The following CFAP95 variants were observed in gnomAD, a reference collection of about 807,000 sequenced individuals.
The protein encoded by CFAP95 is cilia- and flagella-associated protein 95.
the CFAP95 span, among the ~76,000 whole-genome samples, chr9:69,822,298 C>T: frequency 6.6e-6 from 1 of 152,224 alleles, no homozygotes; most frequent in African/African-American, 2.4e-5. Flanking sequence ...TCATCCCATT[C>T]ATTCATGTAA....
chr9:69,904,603 T>C, the CFAP95 span, among the ~76,000 whole-genome samples: 3 of 152,210 alleles, frequency 2.0e-5, no homozygotes, highest in South Asian at 2.1e-4. Context: ...TATGAAATGC[T>C]GAAGGAGCCC....
At chr9:69,835,106 T>C in the CFAP95 span, among the ~76,000 whole-genome samples, 1 of 152,212 alleles carries the variant, frequency 6.6e-6, no homozygotes. Context: ...AAGTTCTAGA[T>C]AGCAGATGAT....
At chr9:69,892,610 C>T in the CFAP95 span, among the ~76,000 whole-genome samples, 4 of 152,158 alleles carry the variant, frequency 2.6e-5, no homozygotes, top group Admixed American at 2.6e-4. Flanking sequence ...GGACCTATGG[C>T]CCAAAATGAG....
the CFAP95 span, among the ~76,000 whole-genome samples, chr9:69,880,302 C>T: frequency 2.0e-5 from 3 of 152,162 alleles, no homozygotes; most frequent in African/African-American, 7.2e-5. Flanking sequence ...CCCTTCCCTG[C>T]CCTGACTATC....
the CFAP95 span, among the ~76,000 whole-genome samples, chr9:69,898,689 C>T: frequency 0.41 from 61,768 of 152,006 alleles, 14,820 homozygotes; most frequent in Non-Finnish European, 0.52. Context: ...TGTTAAATAT[C>T]ATCCATGGTC....
At chr9:69,901,429 G>A in the CFAP95 span, among the ~76,000 whole-genome samples, 1 of 152,134 alleles carries the variant, frequency 6.6e-6, no homozygotes, top group South Asian at 2.1e-4. Context: ...GAGCCACCGC[G>A]CCCGGCCGGT....
chr9:69,854,532 T>C, the CFAP95 span, among the ~76,000 whole-genome samples: 2 of 152,246 alleles, frequency 1.3e-5, no homozygotes, highest in Non-Finnish European at 2.9e-5. Context: ...GGGCATTATT[T>C]AATCCCTTCC....
At chr9:69,856,785 CA>C in the CFAP95 span, 1 of 595,026 alleles carries the variant, frequency 1.7e-6, no homozygotes, top group African/African-American at 1.9e-5. Context: ...ACATATCAAG[CA>C]CATTTGTCTC....
At chr9:69,838,570 A>T in the CFAP95 span, among the ~76,000 whole-genome samples, 3 of 151,566 alleles carry the variant, frequency 2.0e-5, no homozygotes, top group African/African-American at 4.9e-5. Context: ...TGTGATTTTT[A>T]TACATTGATT....
At chr9:69,867,358 A>T in the CFAP95 span, among the ~76,000 whole-genome samples, 1 of 152,142 alleles carries the variant, frequency 6.6e-6, no homozygotes, top group Non-Finnish European at 1.5e-5. Context: ...GTAAGTCTTT[A>T]TTGAGTCTAA....
At chr9:69,881,756 A>G in the CFAP95 span, among the ~76,000 whole-genome samples, 1,767 of 152,234 alleles carry the variant, frequency 0.012, 32 homozygotes, top group African/African-American at 0.04. Flanking sequence ...GCTCTGGGTA[A>G]TATGGACATT....
the CFAP95 span, chr9:69,820,825 C>A: frequency 6.5e-7 from 1 of 1,545,458 alleles, no homozygotes; most frequent in South Asian, 1.2e-5. Context: ...ACGTTCCTGC[C>A]GGGCAGGACA....
the CFAP95 span, among the ~76,000 whole-genome samples, chr9:69,847,916 T>A: frequency 6.6e-6 from 1 of 152,316 alleles, no homozygotes; most frequent in Non-Finnish European, 1.5e-5. Flanking sequence ...TCTAAAAGTC[T>A]AAGAACAGAA....
chr9:69,821,576 C>T, the CFAP95 span, among the ~76,000 whole-genome samples: 3 of 152,204 alleles, frequency 2.0e-5, no homozygotes, highest in Admixed American at 6.5e-5. Flanking sequence ...GAGGACCAGC[C>T]TCCAGGGCTG....
At chr9:69,872,585 A>G in the CFAP95 span, among the ~76,000 whole-genome samples, 3 of 152,112 alleles carry the variant, frequency 2.0e-5, no homozygotes, top group African/African-American at 7.2e-5. Context: ...GGTTCTTAAC[A>G]AGTGCTGGGC....
the CFAP95 span, chr9:69,885,143 G>C: frequency 6.6e-6 from 1 of 152,206 alleles, no homozygotes; most frequent in Non-Finnish European, 1.5e-5. Flanking sequence ...GCCCGTCTAA[G>C]TTGGACTTGT....
At chr9:69,870,669 C>T in the CFAP95 span, among the ~76,000 whole-genome samples, 1 of 152,192 alleles carries the variant, frequency 6.6e-6, no homozygotes, top group African/African-American at 2.4e-5. Context: ...CCCATGGCTA[C>T]ATGATTGTTT....
chr9:69,826,221 T>G, the CFAP95 span, among the ~76,000 whole-genome samples: 5 of 152,194 alleles, frequency 3.3e-5, no homozygotes, highest in Non-Finnish European at 5.9e-5. Flanking sequence ...GAAGTTTATA[T>G]GTATTTAAGG....
chr9:69,902,233 A>G, the CFAP95 span: 4 of 417,032 alleles, frequency 9.6e-6, no homozygotes, highest in African/African-American at 2.1e-5. Flanking sequence ...TGTTTTTTTA[A>G]TTCTCACAAT....
Sources: gnomAD v4.1 joint callset for allele counts (sites outside exome capture counted in the v4.1 genomes callset) on GRCh38, gnomAD v4.1.1 for gene constraint, MANE v1.5 for transcripts, NCBI Gene and HGNC (gene_info 2026-07-23, HGNC 2026-07-21) for gene names.